The following KXD1 variants were observed in gnomAD, a reference collection of about 807,000 sequenced individuals.
KXD1 encodes KxDL motif containing 1, also known as kxDL motif-containing protein 1.
In KXD1, 5 loss-of-function variants were observed where a neutral mutation model predicts 12.1. The observed-to-expected ratio is 0.41, with a 90% CI of 0.22 to 0.87. The LOEUF (loss-of-function observed/expected upper bound fraction) is 0.87, where lower values mean the gene tolerates loss of function less well. Ranked by LOEUF, KXD1 falls within the 40% of genes least tolerant of loss-of-function variation. The pLI is 0.31. For synonymous variants in KXD1, 98 were observed against 100.5 expected, an observed-to-expected ratio of 0.98 and a Z score of 0.15; for missense variants, 193 against 244.9, an observed-to-expected ratio of 0.79 and a Z score of 1.41.
chr19:18,566,397 G>GGCAGAGCTTGCA (rs367674465), intron 3 of KXD1, among the ~76,000 whole-genome samples: 95,116 of 149,114 alleles, frequency 0.64, 30,867 homozygotes, highest in African/African-American at 0.75. Flanking sequence ...GAACCCAGGA[G>GGCAGAGCTTGCA]GTGAGCCGAG....
intron 1 of KXD1, chr19:18,560,007 T>TCCCG (rs397825798): frequency 8.5e-6 from 1 of 116,986 alleles, no homozygotes; most frequent in Non-Finnish European, 1.7e-5. Flanking sequence ...CCTCCCTCCC[T>TCCCG]TCCTTCCTTC....
intron 1 of KXD1, chr19:18,560,173 T>A (rs1272205766): frequency 6.6e-6 from 1 of 151,618 alleles, no homozygotes; most frequent in African/African-American, 2.4e-5. Flanking sequence ...CCCGGCTAAT[T>A]TTTTTTGTAT....
chr19:18,564,699 T>C (rs1190318126), intron 2 of KXD1, among the ~76,000 whole-genome samples, 170 bp from the exon 3 acceptor site: 9 of 152,158 alleles, frequency 5.9e-5, no homozygotes, highest in Non-Finnish European at 1.0e-4. Context: ...GAAGGTTGAA[T>C]AGGAGTTTGC....
rs1975250525 is a variant in KXD1, at chr19:18,566,627, C to T, written c.255-505C>T. Among the ~76,000 whole-genome samples, 3 of 151,448 alleles carry T rather than the reference C, an allele frequency of 2.0e-5. No individual in the cohort carries two copies. In the South Asian group the frequency reaches 6.2e-4, roughly 32 times the overall value. ...CCAACATGATGAAATCCCGTCTCTA[C>T]TAAAAATACAAAAAAATCAGCTGAG... On this transcript the variant is annotated intron_variant, in intron 3 of 4. Transcript: ENST00000222307.
chr19:18,565,836 T>A (rs756475067), intron 3 of KXD1, among the ~76,000 whole-genome samples: 19 of 152,140 alleles, frequency 1.2e-4, no homozygotes, highest in Non-Finnish European at 2.5e-4. Context: ...TACAGGCGCA[T>A]GCTGCCACGC....
chr19:18,568,097 G>A (rs577348535), intron 4 of KXD1, among the ~76,000 whole-genome samples: 4 of 152,162 alleles, frequency 2.6e-5, no homozygotes, highest in Admixed American at 2.0e-4. Context: ...GAGAAACCCC[G>A]TCTCTAGTAA....
At chr19:18,564,762 C>T in intron 2 of KXD1, 107 bp from the exon 3 acceptor site, 1 of 1,284,878 alleles carries the variant, frequency 7.8e-7, no homozygotes. Flanking sequence ...ACAGCCCATG[C>T]AAAGGTTGTG....
rs773829093 is a variant in KXD1, at chr19:18,569,015, G to A, written c.*384G>A. 5 of 244,762 alleles carry A rather than the reference G, an allele frequency of 2.0e-5. No homozygotes were observed. The highest frequency in any genetic ancestry group is 4.0e-5 in the Non-Finnish European group (5 of 124,890). The allele number at this position is 244,762 out of a possible 1,614,324, so 15.2% of individuals were successfully genotyped here. On this transcript the variant is annotated 3_prime_UTR_variant, in exon 5 of 5. Coordinates refer to ENST00000222307, the MANE Select transcript of KXD1 (RefSeq NM_024069.4). Reference sequence around the variant, plus strand: ...CCACCGGTCAGGACCTCCTTGAGGTGCACAAGCACGGTCTCCTCTGAGTTC... The same window carrying A: ...CCACCGGTCAGGACCTCCTTGAGGTACACAAGCACGGTCTCCTCTGAGTTC...
chr19:18,568,584 A>G lies in KXD1; in HGVS notation c.484A>G (p.Ile162Val), dbSNP rs762186354. Reference protein sequence around the residue: ...LSHVQPGSPAINGRSQTDDEE... With the variant: ...LSHVQPGSPAVNGRSQTDDEE... ...CCATGTCCAGCCTGGCTCCCCAGCC[A>G]TCAACGGCCGCAGCCAGACAGATGA... The change falls in exon 5 of 5, where the codon ATC becomes GTC. Residue 162 changes from isoleucine to valine, a missense_variant. By Grantham distance (29) the Ile-to-Val change is conservative. Transcript: ENST00000222307. 1 of 1,613,298 alleles carries G rather than the reference A, an allele frequency of 6.2e-7. No individual in the cohort carries two copies. The highest frequency in any genetic ancestry group is 2.2e-5 in the East Asian group (1 of 44,876).
chr19:18,566,717 C>T (rs1401837623), intron 3 of KXD1, among the ~76,000 whole-genome samples: 2 of 151,456 alleles, frequency 1.3e-5, no homozygotes, highest in African/African-American at 2.4e-5. Context: ...CATGTGAATC[C>T]GGAAGGTGGA....
chr19:18,564,764 A>G, intron 2 of KXD1, 105 bp from the exon 3 acceptor site: 1 of 1,286,440 alleles, frequency 7.8e-7, no homozygotes, highest in Non-Finnish European at 1.1e-6. Context: ...AGCCCATGCA[A>G]AGGTTGTGAA....
intron 2 of KXD1, among the ~76,000 whole-genome samples, chr19:18,563,826 A>C (rs1159631453): frequency 6.7e-6 from 1 of 148,716 alleles, no homozygotes; most frequent in Non-Finnish European, 1.5e-5. Context: ...TTTAGAAGAG[A>C]TGTGGTTTCA....
rs147618655 is a variant in KXD1 at position 18,564,113 on chromosome 19, C to T, written c.102-756C>T. ...TGTTGGCAAGGCTGGTCTCGAACTC[C>T]TGACCTCATGATCTGCCTGCCTTGA... On this transcript the variant is annotated intron_variant, in intron 2 of 4. Coordinates refer to ENST00000222307, the MANE Select transcript of KXD1 (RefSeq NM_024069.4). Among the ~76,000 whole-genome samples the T allele has an allele frequency of 9.0e-3, 1,364 of 151,822 alleles. 18 individuals are homozygous for T. Among genetic ancestry groups the T allele is most frequent in the African/African-American group, 0.031 (1,302 of 41,396 alleles).
In KXD1 at chr19:18,564,958, T is replaced by G. The variant is rs1975131364; in HGVS notation, c.191T>G (p.Leu64Arg). 3.7e-6 allele frequency: 6 copies of G among 1,612,750 alleles called. No homozygotes were observed. Among genetic ancestry groups the G allele is most frequent in the Non-Finnish European group, 5.1e-6 (6 of 1,180,008 alleles). Reference sequence around the variant, plus strand: ...CTGCAGCAGATGAGCGAACGCTTCCTGCACCACACGAGGACCCTAGTAGAG... The same window carrying G: ...CTGCAGCAGATGAGCGAACGCTTCCGGCACCACACGAGGACCCTAGTAGAG... ...ARLQQMSERF[L>R]HHTRTLVEMK... Residue 64 changes from leucine to arginine, a missense_variant, in exon 3 of 5, where the codon CTG (leucine) becomes CGG (arginine). Transcript: ENST00000222307.
intron 3 of KXD1, among the ~76,000 whole-genome samples, chr19:18,566,619 C>T (rs1353299049): frequency 4.0e-5 from 6 of 151,768 alleles, no homozygotes; most frequent in Non-Finnish European, 8.8e-5. Context: ...GATGAAATCC[C>T]GTCTCTACTA....
chr19:18,563,030 A>G lies in KXD1; in HGVS notation c.101+873A>G, dbSNP rs191999600. ...ACACAAATTCGTAAACTTTCTTAAA[A>G]CATTACGAGATTTTTTTTGTGATTT... On this transcript the variant is annotated intron_variant, in intron 2 of 4. Transcript: ENST00000222307. 9.2e-5 allele frequency among the ~76,000 whole-genome samples: 14 copies of G among 152,338 alleles called. No individual in the cohort carries two copies. In the East Asian group the frequency reaches 1.7e-3, roughly 19 times the overall value.
In KXD1 at chr19:18,567,041, C is replaced by G. The variant is rs541860218; in HGVS notation, c.255-91C>G. The G allele has an allele frequency of 8.5e-6, 10 of 1,180,498 alleles. No homozygotes were observed. In the East Asian group the frequency reaches 2.5e-4, roughly 29 times the overall value. The allele number at this position is 1,180,498 out of a possible 1,614,324, so 73.1% of individuals were successfully genotyped here. A position where few individuals can be genotyped will look rare whatever the true frequency, so the allele number is the denominator to read the frequency against. On this transcript the variant is annotated intron_variant, in intron 3 of 4. Transcript: ENST00000222307. ...GGGTTCTCACTCCCGTCTCCCCTTG[C>G]CCTCAGCTGGCAGCAGGGGCTTGTG...
intron 2 of KXD1, 112 bp downstream of exon 2, chr19:18,562,269 G>A: frequency 1.3e-6 from 1 of 754,476 alleles, no homozygotes; most frequent in Non-Finnish European, 2.1e-6. Context: ...TGAAGGAAAT[G>A]AGCAAATCTG....
chr19:18,562,155 CAT>C lies in KXD1; in HGVS notation c.100_101del (p.Met34AlafsTer5). 6.2e-6 allele frequency: 10 copies of C among 1,602,570 alleles called. No homozygotes were observed. Among genetic ancestry groups the C allele is most frequent in the Non-Finnish European group, 8.5e-6 (10 of 1,174,014 alleles). On this transcript the variant is annotated frameshift_variant and splice_region_variant, in exon 2 of 5. Transcript: ENST00000222307. LOFTEE classifies it high-confidence loss of function. Reference sequence around the variant, plus strand: ...ACGCCATCATCCTGGCCCAGAAGAACATGTGAGTGGCGGCTGGGGGACCTGAG... The same window carrying C: ...ACGCCATCATCCTGGCCCAGAAGAACGTGAGTGGCGGCTGGGGGACCTGAG... ...VNAIILAQKNMLDRFEKTNEM... is the reference protein window; with the variant it reads ...VNAIILAQKNXLDRFEKTNEM...
Sources: gnomAD v4.1 joint callset for allele counts (sites outside exome capture counted in the v4.1 genomes callset) on GRCh38, gnomAD v4.1.1 for gene constraint, MANE v1.5 for transcripts, NCBI Gene and HGNC (gene_info 2026-07-23, HGNC 2026-07-21) for gene names.